ABLIM2: variants seen among roughly 807,000 people sequenced by gnomAD.
The protein encoded by ABLIM2 is actin-binding LIM protein 2.
A neutral mutation model predicts 97.7 loss-of-function variants in ABLIM2; 53 were observed. The ratio of observed to expected loss-of-function variants is 0.54; its 90% CI spans 0.44 to 0.68. ABLIM2 has a LOEUF of 0.68. ABLIM2 is among the 30% of genes least tolerant of loss of function. The pLI, the probability that ABLIM2 is intolerant of heterozygous loss-of-function variation, is 0.00. For synonymous variants in ABLIM2, 361 were observed against 345.8 expected (o/e 1.04, Z -0.49); for missense variants, 835 against 867.2 (o/e 0.96, Z 0.47).
rs1282753652 is a variant in ABLIM2 at position 8,113,289 on chromosome 4, G to A, written c.11-6652C>T. On this transcript the variant is annotated intron_variant, in intron 1 of 20. Coordinates refer to ENST00000447017, the MANE Select transcript of ABLIM2 (RefSeq NM_001130083.2). This position sits in a 1 kb window ranked among gnomAD's most constrained non-coding sequence, Gnocchi z 4.5. ...TTTGTATTTTTTGTAGACACGGGAT[G>A]TCGCTATCTTGCTCAGGCTGGTCTC... 6.6e-6 allele frequency among the ~76,000 whole-genome samples: 1 copy of A among 152,150 alleles called. No individual in the cohort carries two copies.
intron 7 of ABLIM2, among the ~76,000 whole-genome samples, chr4:8,056,401 A>G (rs894699709): frequency 1.3e-5 from 2 of 150,972 alleles, no homozygotes; most frequent in Non-Finnish European, 2.9e-5. Flanking sequence ...CTTGGTCTCA[A>G]GCAATCCTCC....
chr4:8,036,064 A>G (rs2151434747), intron 10 of ABLIM2, 85 bp downstream of exon 10: 1 of 1,510,808 alleles, frequency 6.6e-7, no homozygotes, highest in South Asian at 1.3e-5. Context: ...CTGGCCCCAT[A>G]GGACACATGC....
At chr4:8,036,064 A>T in intron 10 of ABLIM2, 85 bp downstream of exon 10, 3 of 1,510,808 alleles carry the variant, frequency 2.0e-6, no homozygotes, top group Non-Finnish European at 2.7e-6. Flanking sequence ...CTGGCCCCAT[A>T]GGACACATGC....
At position 8,127,474 on chromosome 4, in the gene ABLIM2, C is replaced by A. The variant is rs1053528279; in HGVS notation, c.11-20837G>T. 3.9e-6 allele frequency: 5 copies of A among 1,285,102 alleles called. No individual in the cohort carries two copies. In the African/African-American group the frequency reaches 7.6e-5, roughly 20 times the overall value. The allele number at this position is 1,285,102 out of a possible 1,614,324, so 79.6% of individuals were successfully genotyped here. On this transcript the variant is annotated intron_variant, in intron 1 of 20. Coordinates refer to ENST00000447017, the MANE Select transcript of ABLIM2 (RefSeq NM_001130083.2). The surrounding 1 kb of genome is among the most constrained non-coding windows in gnomAD (Gnocchi z 7.3). ...TTCATGGAGCTCACAGCTCCCAGTCCCCTGAAGCTGACTCATGGAGCTCAC... is the reference window on the plus strand; with the variant it reads ...TTCATGGAGCTCACAGCTCCCAGTCACCTGAAGCTGACTCATGGAGCTCAC...
chr4:8,089,184 C>T (rs1825704126), intron 3 of ABLIM2, among the ~76,000 whole-genome samples: 1 of 152,228 alleles, frequency 6.6e-6, no homozygotes, highest in African/African-American at 2.4e-5. Flanking sequence ...GCTGGCCCAT[C>T]CTCCTGCAGT....
Position 8,015,282 on chromosome 4 carries a change from C to G in ABLIM2, c.1423+4336G>C, listed in dbSNP as rs1392647402. ...ACTGCACTGCAGAAGGAGAGGTTAGCGTGTCTTTTGTATCACACAGACAGT... is the reference window on the plus strand; with the variant it reads ...ACTGCACTGCAGAAGGAGAGGTTAGGGTGTCTTTTGTATCACACAGACAGT... On this transcript the variant is annotated intron_variant, in intron 14 of 20. Coordinates refer to ENST00000447017, the MANE Select transcript of ABLIM2 (RefSeq NM_001130083.2). This position sits in a 1 kb window ranked among gnomAD's most constrained non-coding sequence, Gnocchi z 4.6. Among the ~76,000 whole-genome samples the G allele has an allele frequency of 6.6e-6, 1 of 152,070 alleles. No individual in the cohort carries two copies. Among genetic ancestry groups the G allele is most frequent in the Non-Finnish European group, 1.5e-5 (1 of 68,020 alleles).
chr4:8,025,813 T>C (rs905908642), intron 12 of ABLIM2, among the ~76,000 whole-genome samples: 4 of 151,758 alleles, frequency 2.6e-5, no homozygotes, highest in African/African-American at 9.7e-5. Flanking sequence ...GAGAGCCGGG[T>C]GTCCAGGGCC....
At position 8,112,452 on chromosome 4, in the gene ABLIM2, G is replaced by C. The variant is rs1019062976; in HGVS notation, c.11-5815C>G. Among the ~76,000 whole-genome samples the C allele has an allele frequency of 1.3e-5, 2 of 152,224 alleles. No individual in the cohort carries two copies. The highest frequency in any genetic ancestry group is 2.9e-5 in the Non-Finnish European group (2 of 68,044). On this transcript the variant is annotated intron_variant, in intron 1 of 20. Transcript: ENST00000447017. This position sits in a 1 kb window ranked among gnomAD's most constrained non-coding sequence, Gnocchi z 4.2. Reference sequence around the variant, plus strand: ...AAAGCTCCACGTGCAAGGTCTGACAGGTGGCCGTGAACAGTAGCTGTTAGC... The same window carrying C: ...AAAGCTCCACGTGCAAGGTCTGACACGTGGCCGTGAACAGTAGCTGTTAGC...
chr4:8,069,479 G>A lies in ABLIM2; in HGVS notation c.675+8149C>T, dbSNP rs921294739. 1.3e-5 allele frequency among the ~76,000 whole-genome samples: 2 copies of A among 152,248 alleles called. No homozygotes were observed. Among genetic ancestry groups the A allele is most frequent in the African/African-American group, 4.8e-5 (2 of 41,466 alleles). On this transcript the variant is annotated intron_variant, in intron 6 of 20. Coordinates refer to ENST00000447017, the MANE Select transcript of ABLIM2 (RefSeq NM_001130083.2). This position sits in a 1 kb window ranked among gnomAD's most constrained non-coding sequence, Gnocchi z 4.2. ...AGGGAGGACACGACAGGCCAGCGTG[G>A]AAGGGTAGGACCAGGGGCTCTGATG...
rs144364579 is a variant in ABLIM2, at chr4:8,077,752, G to A, written c.582-31C>T. ...ATGAGACAGGCAGTCAACACAGGGC[G>A]GGTGTCGCCCGAGGACCCTTGAGAT... On this transcript the variant is annotated intron_variant, in intron 5 of 20. Transcript: ENST00000447017. 63 of 1,583,690 alleles carry A rather than the reference G, an allele frequency of 4.0e-5. No homozygotes were observed. In the East Asian group the frequency reaches 6.8e-4, roughly 17 times the overall value.
intron 2 of ABLIM2, among the ~76,000 whole-genome samples, chr4:8,105,224 C>T (rs888339617): frequency 6.6e-6 from 1 of 152,252 alleles, no homozygotes; most frequent in Non-Finnish European, 1.5e-5. Context: ...GCCACCTCCT[C>T]TGCGAAGTCC....
chr4:8,007,210 G>A (rs989465227), intron 16 of ABLIM2: 43 of 979,720 alleles, frequency 4.4e-5, no homozygotes, highest in Non-Finnish European at 3.6e-5. Context: ...TACTATGGCC[G>A]GCCGAATGCC....
chr4:8,129,733 CCT>C (rs57731841), intron 1 of ABLIM2, among the ~76,000 whole-genome samples: 17,771 of 148,922 alleles, frequency 0.12, 3,407 homozygotes, highest in African/African-American at 0.4. Context: ...AGGTATGCTC[CCT>C]CTCTCTCTCT....
In ABLIM2 at chr4:8,120,574, G is replaced by A. The variant is rs1451435711; in HGVS notation, c.11-13937C>T. On this transcript the variant is annotated intron_variant, in intron 1 of 20. Transcript: ENST00000447017. The surrounding 1 kb of genome is among the most constrained non-coding windows in gnomAD (Gnocchi z 5.6). ...TGCAGCCTCAGAAGGAGCCAGCCCT[G>A]CCCGCACCTTGATCTGGGACTTCTG... Among the ~76,000 whole-genome samples, 1 of 152,186 alleles carries A rather than the reference G, an allele frequency of 6.6e-6. No homozygotes were observed. Among genetic ancestry groups the A allele is most frequent in the Non-Finnish European group, 1.5e-5 (1 of 68,030 alleles).
rs1768289181 is a variant in ABLIM2, at chr4:8,015,436, T to A, written c.1423+4182A>T. Among the ~76,000 whole-genome samples, 1 of 152,118 alleles carries A rather than the reference T, an allele frequency of 6.6e-6. No individual in the cohort carries two copies. The highest frequency in any genetic ancestry group is 2.1e-4 in the South Asian group (1 of 4,814). On this transcript the variant is annotated intron_variant, in intron 14 of 20. Coordinates refer to ENST00000447017, the MANE Select transcript of ABLIM2 (RefSeq NM_001130083.2). The surrounding 1 kb of genome is among the most constrained non-coding windows in gnomAD (Gnocchi z 4.6). Reference sequence around the variant, plus strand: ...TGCAATCCGCACTCTGGACACAGCCTGCCGTTCCTCCCCATCCCGCCGGTC... The same window carrying A: ...TGCAATCCGCACTCTGGACACAGCCAGCCGTTCCTCCCCATCCCGCCGGTC...
chr4:8,090,722 T>G (rs1302040834), intron 3 of ABLIM2, among the ~76,000 whole-genome samples: 1 of 150,258 alleles, frequency 6.7e-6, no homozygotes, highest in Non-Finnish European at 1.5e-5. Context: ...TTTATTTTTA[T>G]TTTTTTGCGG....
chr4:8,109,286 C>T (rs1302346229), intron 1 of ABLIM2, among the ~76,000 whole-genome samples: 1 of 152,194 alleles, frequency 6.6e-6, no homozygotes, highest in East Asian at 1.9e-4. Flanking sequence ...TGGTTGCAGT[C>T]GAAACCACAG....
intron 20 of ABLIM2, among the ~76,000 whole-genome samples, chr4:7,977,168 C>A (rs1353392111): frequency 2.0e-5 from 3 of 152,104 alleles, no homozygotes; most frequent in Non-Finnish European, 2.9e-5. Context: ...TTTGACAGGT[C>A]CTCCTTCACA....
intron 5 of ABLIM2, among the ~76,000 whole-genome samples, chr4:8,078,652 A>G (rs562135455): frequency 2.2e-4 from 34 of 152,294 alleles, no homozygotes; most frequent in Admixed American, 2.1e-3. Flanking sequence ...GGTTGAGTGA[A>G]CAGGCCTGTG....
Sources: allele counts gnomAD v4.1 joint callset (sites outside exome capture counted in the v4.1 genomes callset), GRCh38; gene constraint gnomAD v4.1.1; non-coding constraint Gnocchi (gnomAD v3.1); transcripts MANE v1.5; gene names NCBI Gene and HGNC (gene_info 2026-07-23, HGNC 2026-07-21).